The following S100Z variants were observed in gnomAD, a reference collection of about 807,000 sequenced individuals.
S100Z encodes the protein S100 calcium binding protein Z.
S100Z carries 11 observed loss-of-function variants against 8.5 expected under a neutral mutation model. The observed-to-expected ratio is 1.30, with a 90% CI of 0.82 to 2.15. The LOEUF (loss-of-function observed/expected upper bound fraction) is 2.15, where lower values mean the gene tolerates loss of function less well. Ranked by LOEUF, S100Z falls within the 30% of genes most tolerant of loss-of-function variation. S100Z has a pLI of 0.00. For missense variants in S100Z, 126 were observed against 117.9 expected, an observed-to-expected ratio of 1.07 and a Z score of -0.32; for synonymous variants, 34 against 43.8, an observed-to-expected ratio of 0.78 and a Z score of 0.89.
At chr5:76,875,116 C>T (rs1439962575) in intron 2 of S100Z, among the ~76,000 whole-genome samples, 188 bp from the exon 3 acceptor site, 1 of 152,146 alleles carries the variant, frequency 6.6e-6, no homozygotes, top group African/African-American at 2.4e-5. Context: ...TGGTCTCGAT[C>T]TTCTGACCTT....
At chr5:76,881,219 T>G (rs1009885461) in intron 4 of S100Z, among the ~76,000 whole-genome samples, 1 of 152,164 alleles carries the variant, frequency 6.6e-6, no homozygotes, top group Non-Finnish European at 1.5e-5. Flanking sequence ...CTTGGGTGAT[T>G]TGACTAATAA....
At chr5:76,872,892 G>C (rs1743057236) in intron 2 of S100Z, among the ~76,000 whole-genome samples, 1 of 152,096 alleles carries the variant, frequency 6.6e-6, no homozygotes, top group Non-Finnish European at 1.5e-5. Flanking sequence ...AGAATTGTCT[G>C]AGCCCAGGAG....
chr5:76,868,239 A>G (rs1002365583), intron 1 of S100Z, among the ~76,000 whole-genome samples: 5 of 152,190 alleles, frequency 3.3e-5, no homozygotes, highest in African/African-American at 1.2e-4. Flanking sequence ...TTTCAAGTGC[A>G]TTCTGGGAAT....
the S100Z span, among the ~76,000 whole-genome samples, chr5:76,949,519 G>A: frequency 7.2e-5 from 11 of 152,310 alleles, no homozygotes; most frequent in South Asian, 1.9e-3. Context: ...GCATTCCTAT[G>A]TTCGTTGCAC....
the S100Z span, among the ~76,000 whole-genome samples, chr5:76,945,124 G>T: frequency 6.6e-6 from 1 of 152,168 alleles, no homozygotes; most frequent in African/African-American, 2.4e-5. Flanking sequence ...GTGTTGTATG[G>T]AATCAAGGTT....
the S100Z span, among the ~76,000 whole-genome samples, chr5:76,935,167 A>G: frequency 6.6e-6 from 1 of 152,216 alleles, no homozygotes; most frequent in Non-Finnish European, 1.5e-5. Flanking sequence ...CCAATGCACA[A>G]CGTAGCCAAA....
At chr5:76,875,218 CT>C in intron 2 of S100Z, 85 bp from the exon 3 acceptor site, 1 of 749,410 alleles carries the variant, frequency 1.3e-6, no homozygotes, top group Non-Finnish European at 2.1e-6. Context: ...ACAACCATCA[CT>C]TGTGTGGCGA....
the S100Z span, among the ~76,000 whole-genome samples, chr5:76,938,103 A>AC: frequency 8.1e-5 from 8 of 98,718 alleles, no homozygotes; most frequent in African/African-American, 2.5e-4. Flanking sequence ...CAAAAAACAA[A>AC]AAATAAACAA....
the S100Z span, among the ~76,000 whole-genome samples, chr5:76,927,204 T>C: frequency 2.0e-5 from 3 of 152,188 alleles, no homozygotes; most frequent in African/African-American, 7.2e-5. Context: ...CTCAGGTCCT[T>C]TCTGTGCTCT....
intron 4 of S100Z, among the ~76,000 whole-genome samples, chr5:76,880,989 A>T (rs1743384528): frequency 6.6e-6 from 1 of 152,312 alleles, no homozygotes; most frequent in Admixed American, 6.5e-5. Context: ...ACTGAGACTG[A>T]TATAGTGTGG....
intron 4 of S100Z, among the ~76,000 whole-genome samples, chr5:76,908,791 G>T (rs1449642109): frequency 6.6e-6 from 1 of 152,168 alleles, no homozygotes; most frequent in East Asian, 1.9e-4. Flanking sequence ...ACTTCATTTT[G>T]GAGGCATAAT....
At chr5:76,941,448 C>T in the S100Z span, among the ~76,000 whole-genome samples, 4 of 152,276 alleles carry the variant, frequency 2.6e-5, no homozygotes, top group South Asian at 2.1e-4. Context: ...TCTTGCCTGC[C>T]GCCATGTAAG....
intron 4 of S100Z, among the ~76,000 whole-genome samples, chr5:76,893,034 CTATT>C (rs1321977381): frequency 6.6e-6 from 1 of 152,134 alleles, no homozygotes; most frequent in Non-Finnish European, 1.5e-5. Context: ...TTGTAGCTCT[CTATT>C]TAGGAACAAA....
At chr5:76,896,044 G>A (rs943445972) in intron 4 of S100Z, among the ~76,000 whole-genome samples, 2 of 152,032 alleles carry the variant, frequency 1.3e-5, no homozygotes, top group East Asian at 1.9e-4. Context: ...TTACAGGTGC[G>A]AGCCACCAGA....
chr5:76,851,508 ATG>A (rs1491187876), intron 1 of S100Z, among the ~76,000 whole-genome samples: 1 of 152,140 alleles, frequency 6.6e-6, no homozygotes, highest in African/African-American at 2.4e-5. Flanking sequence ...AACTGATTGC[ATG>A]AGAGAGAGAG....
Position 76,887,395 on chromosome 5 carries a change from C to CTTTTT in S100Z, c.*2+9578_*2+9582dup, listed in dbSNP as rs70982657. On this transcript the variant is annotated intron_variant, in intron 4 of 4. Coordinates refer to ENST00000317593, the MANE Select transcript of S100Z (RefSeq NM_130772.4). ...TACAGTCATGAGCTACTGTGCCAGGCTTTTTTTTTTTTTTTTTTTTTCTGA... is the reference window on the plus strand; with the variant it reads ...TACAGTCATGAGCTACTGTGCCAGGCTTTTTTTTTTTTTTTTTTTTTTTTTTCTGA... Among the ~76,000 whole-genome samples, 21 of 74,700 alleles carry CTTTTT rather than the reference C, an allele frequency of 2.8e-4. 1 individual carries two copies. Among genetic ancestry groups the CTTTTT allele is most frequent in the South Asian group, 5.1e-4 (1 of 1,944 alleles). 49.0% of individuals were successfully genotyped at this position (74,700 alleles called of 152,430 possible).
chr5:76,935,936 C>T, the S100Z span, among the ~76,000 whole-genome samples: 9 of 152,092 alleles, frequency 5.9e-5, no homozygotes, highest in South Asian at 4.2e-4. Flanking sequence ...ACCACCACAC[C>T]GGGCTAATTT....
chr5:76,854,090 G>A (rs1302202601), intron 1 of S100Z, among the ~76,000 whole-genome samples: 5 of 152,138 alleles, frequency 3.3e-5, no homozygotes, highest in African/African-American at 9.7e-5. Flanking sequence ...CTTCCTGTAC[G>A]GCCTGTGGAA....
At chr5:76,902,647 T>G (rs945196951) in intron 4 of S100Z, among the ~76,000 whole-genome samples, 2 of 149,830 alleles carry the variant, frequency 1.3e-5, no homozygotes, top group African/African-American at 2.5e-5. Context: ...GTTTTTTTTT[T>G]GTTGTTGTTT....
Sources: gnomAD v4.1 joint callset for allele counts (sites outside exome capture counted in the v4.1 genomes callset) on GRCh38, gnomAD v4.1.1 for gene constraint, MANE v1.5 for transcripts, NCBI Gene and HGNC (gene_info 2026-07-23, HGNC 2026-07-21) for gene names.